Variants in HIC2 observed in about 807,000 individuals in gnomAD.
The protein encoded by HIC2 is hypermethylated in cancer 2 protein.
HIC2 carries 2 observed loss-of-function variants against 39.5 expected under a neutral mutation model. The observed-to-expected ratio is 0.05, with a 90% CI of 0.02 to 0.16. HIC2 has a LOEUF of 0.16. Among genes scored for constraint, HIC2 ranks in the 10% least tolerant of loss-of-function variants. HIC2 has a pLI of 1.00. For synonymous variants in HIC2, 399 were observed against 368.8 expected (o/e 1.08, Z -0.94); for missense variants, 713 against 863.5 (o/e 0.83, Z 2.18).
Position 21,449,709 on chromosome 22 carries a change from C to T in HIC2, c.*2966C>T, listed in dbSNP as rs2148348000. On this transcript the variant is annotated 3_prime_UTR_variant, in exon 3 of 3. Coordinates refer to ENST00000407464, the MANE Select transcript of HIC2 (RefSeq NM_015094.3). ...GGGATTGGAAGCCTCCCTGGAGTCA[C>T]CTGAGCCCTCGTCCCCATTCCCAGG... 1 of 152,890 alleles carries T rather than the reference C, an allele frequency of 6.5e-6. No homozygotes were observed. The allele number at this position is 152,890 out of a possible 1,614,324, so 9.5% of individuals were successfully genotyped here. A position where few individuals can be genotyped will look rare whatever the true frequency, so the allele number is the denominator to read the frequency against.
In HIC2 at chr22:21,446,332, A is replaced by C; in HGVS notation, c.1437A>C (p.Thr479=). 6.2e-7 allele frequency: 1 copy of C among 1,613,102 alleles called. No individual in the cohort carries two copies. The highest frequency in any genetic ancestry group is 8.5e-7 in the Non-Finnish European group (1 of 1,179,964). The part of the protein sequence containing the change: ...LFIKEEGAYE[T]GSGGAEEEAE... The stretch of plus-strand genomic sequence containing the variant: ...TCAAGGAAGAGGGGGCCTACGAGAC[A>C]GGCAGTGGGGGTGCCGAGGAGGAGG... The change falls in exon 3 of 3, where the codon ACA becomes ACC. Residue 479 remains threonine, a synonymous_variant. Coordinates refer to ENST00000407464, the MANE Select transcript of HIC2 (RefSeq NM_015094.3).
chr22:21,448,656 C>T lies in HIC2; in HGVS notation c.*1913C>T, dbSNP rs1328092781. On this transcript the variant is annotated 3_prime_UTR_variant, in exon 3 of 3. Transcript: ENST00000407464. ...AAAACAGAGCCTGAGTTCAGGGACCCAAGTGGTGAGCGGCGTCTTTTGGGG... is the reference window on the plus strand; with the variant it reads ...AAAACAGAGCCTGAGTTCAGGGACCTAAGTGGTGAGCGGCGTCTTTTGGGG... The T allele has an allele frequency of 6.5e-6, 1 of 152,760 alleles. No individual in the cohort carries two copies. The highest frequency in any genetic ancestry group is 2.4e-5 in the African/African-American group (1 of 41,440). The allele number at this position is 152,760 out of a possible 1,614,324, so 9.5% of individuals were successfully genotyped here. A position where few individuals can be genotyped will look rare whatever the true frequency, so the allele number is the denominator to read the frequency against.
At position 21,446,760 on chromosome 22, in the gene HIC2, G is replaced by C. The variant is rs889715795; in HGVS notation, c.*17G>C. 7.0e-6 allele frequency: 11 copies of C among 1,582,266 alleles called. No homozygotes were observed. The African/African-American group carries it at 1.3e-4, about 19-fold the overall frequency. On this transcript the variant is annotated 3_prime_UTR_variant, in exon 3 of 3. Transcript: ENST00000407464. ...CCCTCCTAGAAGCCAAAGACCCGCG[G>C]GCGCCCTCTGCCACCTTGCTCCCCG...
rs1373681786 is a variant in HIC2 at position 21,446,663 on chromosome 22, G to A, written c.1768G>A (p.Glu590Lys). 11 of 1,613,892 alleles carry A rather than the reference G, an allele frequency of 6.8e-6. No individual in the cohort carries two copies. Among genetic ancestry groups the A allele is most frequent in the South Asian group, 3.3e-5 (3 of 91,084 alleles). The change falls in exon 3 of 3, where the codon GAG (glutamate) becomes AAG (lysine). Residue 590 changes from glutamate to lysine, a missense_variant. Physicochemically the swap from Glu to Lys is moderately conservative, Grantham distance 56 (BLOSUM62 1). This residue lies in a region of HIC2 where 40 missense variants were observed against 124.4 expected (regional missense o/e 0.32). Transcript: ENST00000407464. ...TGTGCACTCGGGCGAGAAACCTTAC[G>A]AGTGCCAGCTGTGCGGGGGCAAGTT... ...MRVHSGEKPY[E>K]CQLCGGKFTQ... is the part of the protein sequence containing the mutation.
At chr22:21,431,964 C>T (rs1923326031) in intron 1 of HIC2, among the ~76,000 whole-genome samples, 1 of 136,990 alleles carries the variant, frequency 7.3e-6, no homozygotes, top group Admixed American at 8.2e-5. Flanking sequence ...GAGCAAGACC[C>T]TGTCTCCAAA....
intron 1 of HIC2, among the ~76,000 whole-genome samples, chr22:21,431,757 G>A (rs1923319077): frequency 1.8e-5 from 1 of 54,540 alleles, no homozygotes; most frequent in Non-Finnish European, 3.6e-5. Context: ...GAGGCAGGAG[G>A]ATCACTTGAG....
In HIC2 at chr22:21,444,777, T is replaced by C; in HGVS notation, c.27-145T>C. ...GCATGTGGTGGGCATTGTGGGCTTA[T>C]GTGCCGTGTACTGTGCCGCAGGGGC... On this transcript the variant is annotated intron_variant, in intron 2 of 2. Coordinates refer to ENST00000407464, the MANE Select transcript of HIC2 (RefSeq NM_015094.3). 3.8e-6 allele frequency: 3 copies of C among 796,090 alleles called. No homozygotes were observed. In the East Asian group the frequency reaches 7.8e-5, roughly 21 times the overall value. 49.3% of individuals were successfully genotyped at this position (796,090 alleles called of 1,614,324 possible). A position where few individuals can be genotyped will look rare whatever the true frequency, so the allele number is the denominator to read the frequency against.
In HIC2 at chr22:21,449,790, A is replaced by G. The variant is rs1924065138; in HGVS notation, c.*3047A>G. 6.5e-6 allele frequency: 1 copy of G among 152,708 alleles called. No homozygotes were observed. The highest frequency in any genetic ancestry group is 1.5e-5 in the Non-Finnish European group (1 of 68,072). 9.5% of individuals were successfully genotyped at this position (152,708 alleles called of 1,614,324 possible). A position where few individuals can be genotyped will look rare whatever the true frequency, so the allele number is the denominator to read the frequency against. On this transcript the variant is annotated 3_prime_UTR_variant, in exon 3 of 3. Transcript: ENST00000407464. ...CTTGGGCCCGTGCTGACCAGCCCCC[A>G]AGGCCCTCTGGCCGGACCATGCTGG... is the stretch of plus-strand genomic sequence containing the variant.
chr22:21,445,385 C>T lies in HIC2; in HGVS notation c.490C>T (p.Arg164Trp), dbSNP rs764831068. 245 of 1,544,556 alleles carry T rather than the reference C, an allele frequency of 1.6e-4. No homozygotes were observed. The highest frequency in any genetic ancestry group is 2.0e-4 in the Non-Finnish European group (228 of 1,147,396). The change falls in exon 3 of 3, where the codon CGG (arginine) becomes TGG (tryptophan). Residue 164 changes from arginine (R) to tryptophan (W), a missense_variant. Transcript: ENST00000407464. ...TGMGRPPRSQRLSTASVIQAR... is the reference protein window; with the variant it reads ...TGMGRPPRSQWLSTASVIQAR... ...CATGGGGCGGCCCCCCCGCAGCCAG[C>T]GGCTGTCCACGGCCTCTGTCATCCA... is the stretch of plus-strand genomic sequence containing the variant.
chr22:21,443,620 A>T (rs1322713775), intron 2 of HIC2, among the ~76,000 whole-genome samples: 1 of 152,126 alleles, frequency 6.6e-6, no homozygotes, highest in Non-Finnish European at 1.5e-5. Context: ...TCCGTCAGCC[A>T]TGAGGAAAGT....
chr22:21,451,252 T>G lies in HIC2; in HGVS notation c.*4509T>G, dbSNP rs1430665076. ...GGACACCGGGATCGCACTCCTGTACTGGCCACCGCCGCTGTCACTTGTCAC... is the reference window on the plus strand; with the variant it reads ...GGACACCGGGATCGCACTCCTGTACGGGCCACCGCCGCTGTCACTTGTCAC... On this transcript the variant is annotated 3_prime_UTR_variant, in exon 3 of 3. Coordinates refer to ENST00000407464, the MANE Select transcript of HIC2 (RefSeq NM_015094.3). The G allele has an allele frequency of 2.0e-5, 3 of 152,808 alleles. No homozygotes were observed. Among genetic ancestry groups the G allele is most frequent in the Non-Finnish European group, 4.4e-5 (3 of 68,052 alleles). The allele number at this position is 152,808 out of a possible 1,614,324, so 9.5% of individuals were successfully genotyped here.
Position 21,448,525 on chromosome 22 carries a change from T to C in HIC2, c.*1782T>C, listed in dbSNP as rs1923984349. The stretch of plus-strand genomic sequence containing the variant: ...TGGGCTGGCAGCCTTTATTGTCATC[T>C]TGCTTCACCATTTTTTTTTCTCTCT... On this transcript the variant is annotated 3_prime_UTR_variant, in exon 3 of 3. Transcript: ENST00000407464. 2 of 152,238 alleles carry C rather than the reference T, an allele frequency of 1.3e-5. No individual in the cohort carries two copies. Among genetic ancestry groups the C allele is most frequent in the Admixed American group, 6.5e-5 (1 of 15,274 alleles). 9.4% of individuals were successfully genotyped at this position (152,238 alleles called of 1,614,324 possible). A position where few individuals can be genotyped will look rare whatever the true frequency, so the allele number is the denominator to read the frequency against.
chr22:21,443,361 C>T (rs986773346), intron 2 of HIC2, among the ~76,000 whole-genome samples: 2 of 152,184 alleles, frequency 1.3e-5, no homozygotes, highest in African/African-American at 2.4e-5. Context: ...CTTCAGGGGC[C>T]TGTGAATGTT....
In HIC2 at chr22:21,446,175, A is replaced by G; in HGVS notation, c.1280A>G (p.Tyr427Cys). 1.2e-6 allele frequency: 2 copies of G among 1,610,406 alleles called. No homozygotes were observed. Among genetic ancestry groups the G allele is most frequent in the Non-Finnish European group, 1.7e-6 (2 of 1,179,956 alleles). The part of the protein sequence containing the change: ...GSGHASAHYM[Y>C]RQEGYETVSY... Reference sequence around the variant, plus strand: ...GGCCATGCCAGCGCCCACTACATGTACCGGCAGGAGGGCTACGAGACGGTG... The same window carrying G: ...GGCCATGCCAGCGCCCACTACATGTGCCGGCAGGAGGGCTACGAGACGGTG... The change falls in exon 3 of 3, where the codon TAC (tyrosine) becomes TGC (cysteine). Residue 427 changes from tyrosine to cysteine, a missense_variant. Around this residue, in one of 5 missense-constraint regions of HIC2, gnomAD observed 457 missense variants for 420.2 expected, o/e 1.09. Transcript: ENST00000407464.
rs555239206 is a variant in HIC2 at position 21,442,812 on chromosome 22, C to A, written c.-20C>A. 32 of 999,046 alleles carry A rather than the reference C, an allele frequency of 3.2e-5. 6 individuals are homozygous for A. The South Asian group carries it at 4.9e-4, about 15-fold the overall frequency. 61.9% of individuals were successfully genotyped at this position (999,046 alleles called of 1,614,324 possible). A position where few individuals can be genotyped will look rare whatever the true frequency, so the allele number is the denominator to read the frequency against. ...AGGCCACGCGCTCAGGAGCCCCCCCCGCCGCTGGCTGCTGCTCACATGGTG... is the reference window on the plus strand; with the variant it reads ...AGGCCACGCGCTCAGGAGCCCCCCCAGCCGCTGGCTGCTGCTCACATGGTG... On this transcript the variant is annotated 5_prime_UTR_variant, in exon 2 of 3. Transcript: ENST00000407464.
rs1317861166 is a variant in HIC2 at position 21,448,468 on chromosome 22, CCA to C, written c.*1727_*1728del. On this transcript the variant is annotated 3_prime_UTR_variant, in exon 3 of 3. Transcript: ENST00000407464. Reference sequence around the variant, plus strand: ...CAGACCAAGGTTGCTGATCTCAGTCCCACTGTCTTCAGCCAGCTGAAGCTGTG... The same window carrying C: ...CAGACCAAGGTTGCTGATCTCAGTCCCTGTCTTCAGCCAGCTGAAGCTGTG... 1.3e-5 allele frequency: 2 copies of C among 152,892 alleles called. No individual in the cohort carries two copies. Among genetic ancestry groups the C allele is most frequent in the Non-Finnish European group, 2.9e-5 (2 of 68,036 alleles). The allele number at this position is 152,892 out of a possible 1,614,324, so 9.5% of individuals were successfully genotyped here. A position where few individuals can be genotyped will look rare whatever the true frequency, so the allele number is the denominator to read the frequency against.
At chr22:21,421,739 G>T (rs1601321748) in intron 1 of HIC2, among the ~76,000 whole-genome samples, 1 of 82,308 alleles carries the variant, frequency 1.2e-5, no homozygotes, top group Non-Finnish European at 3.5e-5. Context: ...GTTTAAGGGT[G>T]ATCACACATG....
Position 21,443,209 on chromosome 22 carries a change from C to T in HIC2, c.26+352C>T, listed in dbSNP as rs901487323. 3.3e-5 allele frequency among the ~76,000 whole-genome samples: 5 copies of T among 152,310 alleles called. No homozygotes were observed. The South Asian group carries it at 1.0e-3, about 32-fold the overall frequency. On this transcript the variant is annotated intron_variant, in intron 2 of 2. Coordinates refer to ENST00000407464, the MANE Select transcript of HIC2 (RefSeq NM_015094.3). The stretch of plus-strand genomic sequence containing the variant: ...GTTCACGAAGTCTCCAGCCCATGAG[C>T]ACCCTCCTGAACTGCTGTGGGCTGG...
intron 2 of HIC2, among the ~76,000 whole-genome samples, chr22:21,443,697 T>A (rs1370267526): frequency 6.6e-6 from 1 of 152,184 alleles, no homozygotes; most frequent in Non-Finnish European, 1.5e-5. Flanking sequence ...GGTGGCCACC[T>A]GGACACTGGC....
Sources: allele counts gnomAD v4.1 joint callset (sites outside exome capture counted in the v4.1 genomes callset), GRCh38; gene constraint gnomAD v4.1.1; regional missense constraint gnomAD v4.1.1; transcripts MANE v1.5; gene names NCBI Gene and HGNC (gene_info 2026-07-23, HGNC 2026-07-21).